Variants in IQANK1 observed in about 807,000 individuals in gnomAD.
The protein encoded by IQANK1 is IQ motif and ankyrin repeat domain-containing protein 1.
IQANK1 carries 30 observed loss-of-function variants against 22.6 expected under a neutral mutation model. The ratio of observed to expected loss-of-function variants is 1.33; its 90% CI spans 0.99 to 1.80. IQANK1 has a LOEUF of 1.80. Ranked by LOEUF, IQANK1 falls within the 40% of genes most tolerant of loss-of-function variation. The probability of loss-of-function intolerance (pLI) is 0.00; values close to 1 mark genes in which losing one functional copy is unlikely to be tolerated. For synonymous variants in IQANK1, 122 were observed against 99.6 expected, an observed-to-expected ratio of 1.23 and a Z score of -1.34; for missense variants, 275 against 235.2, an observed-to-expected ratio of 1.17 and a Z score of -1.11.
At chr8:143,750,452 A>G (rs1173821470) in intron 3 of IQANK1, among the ~76,000 whole-genome samples, 4 of 152,170 alleles carry the variant, frequency 2.6e-5, no homozygotes, top group African/African-American at 9.7e-5. Flanking sequence ...TTTTGTAGAC[A>G]GCATATACTT....
intron 3 of IQANK1, among the ~76,000 whole-genome samples, chr8:143,768,068 A>G (rs1322995559): frequency 6.6e-6 from 1 of 151,202 alleles, no homozygotes; most frequent in Non-Finnish European, 1.5e-5. Flanking sequence ...CTTTTAGTAG[A>G]GACGGGGTTT....
intron 3 of IQANK1, chr8:143,759,498 T>A (rs1172640033): frequency 6.6e-6 from 1 of 152,356 alleles, no homozygotes; most frequent in Non-Finnish European, 1.5e-5. Context: ...AGCAGCCCCA[T>A]CCTTGTGAAT....
chr8:143,772,243 G>A lies in IQANK1; in HGVS notation c.663G>A (p.Lys221=), dbSNP rs1819592723. The A allele has an allele frequency of 2.5e-6, 1 of 396,802 alleles. No homozygotes were observed. The highest frequency in any genetic ancestry group is 4.4e-6 in the Non-Finnish European group (1 of 224,930). 24.6% of individuals were successfully genotyped at this position (396,802 alleles called of 1,614,324 possible). A position where few individuals can be genotyped will look rare whatever the true frequency, so the allele number is the denominator to read the frequency against. ...RAELGASPNS[K]GAFGPTPLYR... is the part of the protein sequence containing the mutation. ...AGCTCGGCGCCAGCCCCAACAGCAA[G>A]GTGGGCGCCGTGGGCCGCGGGCCGC... The change falls in exon 6 of 14, where the codon AAG becomes AAA. Residue 221 remains lysine (K), a splice_region_variant and synonymous_variant. Coordinates refer to ENST00000527139, the MANE Select transcript of IQANK1 (RefSeq NM_001381874.1).
chr8:143,773,306 A>C (rs1261125824), intron 7 of IQANK1, among the ~76,000 whole-genome samples: 3 of 138,374 alleles, frequency 2.2e-5, no homozygotes, highest in Non-Finnish European at 4.4e-5. Context: ...GACTCAAAAA[A>C]AAAAAAAAAA....
chr8:143,756,240 A>T (rs1819290403), intron 3 of IQANK1, among the ~76,000 whole-genome samples: 2 of 152,208 alleles, frequency 1.3e-5, no homozygotes, highest in Non-Finnish European at 2.9e-5. Flanking sequence ...CGGATCTCTT[A>T]GTCCCGACAA....
At chr8:143,739,565 C>A (rs563362774) in intron 2 of IQANK1, 5 of 335,818 alleles carry the variant, frequency 1.5e-5, no homozygotes, top group African/African-American at 1.1e-4. Flanking sequence ...CCACAGGGTC[C>A]TTCTAGCAGA....
chr8:143,785,789 C>T (rs797034549), intron 7 of IQANK1, among the ~76,000 whole-genome samples: 15 of 149,650 alleles, frequency 1.0e-4, no homozygotes, highest in East Asian at 4.0e-4. Flanking sequence ...TGCAGTGGCA[C>T]GATCTCAGCT....
intron 7 of IQANK1, among the ~76,000 whole-genome samples, chr8:143,781,635 T>C (rs1201671356): frequency 1.3e-5 from 2 of 152,198 alleles, no homozygotes; most frequent in Non-Finnish European, 2.9e-5. Context: ...TGGTTGTAGG[T>C]ATGCAACCTT....
At chr8:143,760,904 C>A (rs115489410) in intron 3 of IQANK1, among the ~76,000 whole-genome samples, 3,580 of 152,220 alleles carry the variant, frequency 0.024, 125 homozygotes, top group African/African-American at 0.08. Flanking sequence ...CCGGGAGAGG[C>A]GGGGCGCGGC....
chr8:143,757,381 G>A (rs1339489319), intron 3 of IQANK1, among the ~76,000 whole-genome samples: 3 of 150,730 alleles, frequency 2.0e-5, no homozygotes, highest in Non-Finnish European at 2.9e-5. Flanking sequence ...CTGTCACCCA[G>A]GCTGGAGTGC....
rs1325467322 is a variant in IQANK1 at position 143,790,598 on chromosome 8, C to T, written c.1673C>T (p.Thr558Ile). ...CCAGTGCGCGTGCAGCTGCCAGGCA[C>T]AGGCCTCTAGTGCTGGCCCCAGTCC... ...LLPVRVQLPG[T>I]GL Residue 558 changes from threonine to isoleucine, a missense_variant, in exon 14 of 14, where the codon ACA becomes ATA. By Grantham distance (89) the Thr-to-Ile change is moderately conservative. Coordinates refer to ENST00000527139, the MANE Select transcript of IQANK1 (RefSeq NM_001381874.1). 7.5e-6 allele frequency: 3 copies of T among 398,756 alleles called. No individual in the cohort carries two copies. Among genetic ancestry groups the T allele is most frequent in the East Asian group, 3.6e-5 (1 of 28,084 alleles). The allele number at this position is 398,756 out of a possible 1,614,324, so 24.7% of individuals were successfully genotyped here. A position where few individuals can be genotyped will look rare whatever the true frequency, so the allele number is the denominator to read the frequency against.
intron 3 of IQANK1, among the ~76,000 whole-genome samples, chr8:143,748,627 TATCATATATAAATATATAAATATATATCA>T (rs1554627527): frequency 2.3e-4 from 29 of 125,672 alleles, no homozygotes; most frequent in Middle Eastern, 3.9e-3. Context: ...ATATATAATA[TATCATATATAAATATATAAATATATATCA>T]ATCATATATA....
At chr8:143,746,780 G>A (rs1462859309) in intron 3 of IQANK1, among the ~76,000 whole-genome samples, 3 of 152,072 alleles carry the variant, frequency 2.0e-5, no homozygotes, top group African/African-American at 7.2e-5. Context: ...GATAAGTTTT[G>A]TGTTTTTAGG....
chr8:143,739,127 T>C (rs1347421520), intron 2 of IQANK1, among the ~76,000 whole-genome samples: 3 of 152,126 alleles, frequency 2.0e-5, no homozygotes, highest in Admixed American at 2.0e-4. Flanking sequence ...TGTCCTGCAC[T>C]GCACTGCAAC....
chr8:143,749,243 A>G (rs1191227687), intron 3 of IQANK1, among the ~76,000 whole-genome samples: 3 of 124,180 alleles, frequency 2.4e-5, no homozygotes, highest in Non-Finnish European at 4.6e-5. Flanking sequence ...CCTATATATC[A>G]TATATGTTAT....
At chr8:143,757,528 G>C (rs1022051438) in intron 3 of IQANK1, among the ~76,000 whole-genome samples, 16 of 151,998 alleles carry the variant, frequency 1.1e-4, no homozygotes, top group African/African-American at 3.9e-4. Flanking sequence ...AGTAGAGAAG[G>C]GGTTTTCACC....
In IQANK1 at chr8:143,790,612, T is replaced by C. The variant is rs1416021837; in HGVS notation, c.*4T>C. The C allele has an allele frequency of 1.0e-5, 4 of 398,822 alleles. No individual in the cohort carries two copies. In the East Asian group the frequency reaches 1.1e-4, roughly 11 times the overall value. The allele number at this position is 398,822 out of a possible 1,614,324, so 24.7% of individuals were successfully genotyped here. A position where few individuals can be genotyped will look rare whatever the true frequency, so the allele number is the denominator to read the frequency against. On this transcript the variant is annotated 3_prime_UTR_variant, in exon 14 of 14. Transcript: ENST00000527139. ...GCTGCCAGGCACAGGCCTCTAGTGCTGGCCCCAGTCCCAATAAAACGTGTG... is the reference window on the plus strand; with the variant it reads ...GCTGCCAGGCACAGGCCTCTAGTGCCGGCCCCAGTCCCAATAAAACGTGTG...
In IQANK1 at chr8:143,739,846, C is replaced by T; in HGVS notation, c.86-13C>T. On this transcript the variant is annotated splice_polypyrimidine_tract_variant and intron_variant, in intron 2 of 13. Coordinates refer to ENST00000527139, the MANE Select transcript of IQANK1 (RefSeq NM_001381874.1). ...CTCTCATCCCAAGCTCACTGACGGT[C>T]GTTTTCCCTTAGGGAAGCCCGGGGA... The T allele has an allele frequency of 1.4e-6, 1 of 690,494 alleles. No individual in the cohort carries two copies. The highest frequency in any genetic ancestry group is 2.6e-6 in the Non-Finnish European group (1 of 378,838). 42.8% of individuals were successfully genotyped at this position (690,494 alleles called of 1,614,324 possible). A position where few individuals can be genotyped will look rare whatever the true frequency, so the allele number is the denominator to read the frequency against.
At chr8:143,761,615 T>G (rs1387588545) in intron 3 of IQANK1, among the ~76,000 whole-genome samples, 1 of 151,984 alleles carries the variant, frequency 6.6e-6, no homozygotes, top group Non-Finnish European at 1.5e-5. Context: ...ACCAAAACCA[T>G]TTTTAAAAAA....
Sources: gnomAD v4.1 joint callset for allele counts (sites outside exome capture counted in the v4.1 genomes callset) on GRCh38, gnomAD v4.1.1 for gene constraint, MANE v1.5 for transcripts, NCBI Gene and HGNC (gene_info 2026-07-23, HGNC 2026-07-21) for gene names.